The following TNS3 variants were observed in gnomAD, a reference collection of about 807,000 sequenced individuals.
The protein encoded by TNS3 is tensin 3, also known as tensin-3.
A neutral mutation model predicts 140.9 loss-of-function variants in TNS3; 45 were observed. That is an observed-to-expected ratio of 0.32 (90% confidence interval 0.25 to 0.41). The LOEUF (loss-of-function observed/expected upper bound fraction) is 0.41. Among genes scored for constraint, TNS3 ranks in the 10% least tolerant of loss-of-function variants. TNS3 has a pLI of 1.00. For synonymous variants in TNS3, 815 were observed against 788.4 expected, an observed-to-expected ratio of 1.03 and a Z score of -0.56; for missense variants, 1,716 against 1,906.7, an observed-to-expected ratio of 0.90 and a Z score of 1.86.
rs371204999 is a variant in TNS3 at position 47,538,045 on chromosome 7, G to C, written c.-264-8898C>G. On this transcript the variant is annotated intron_variant, in intron 1 of 30. Coordinates refer to ENST00000311160, the MANE Select transcript of TNS3 (RefSeq NM_022748.12). ...CATCTGAAGTCCCGTCTTCCTTTAT[G>C]GGTCTGCGATTTTAGAAGGAAATTA... 6.4e-5 allele frequency among the ~76,000 whole-genome samples: 9 copies of C among 141,686 alleles called. No homozygotes were observed. In the South Asian group the frequency reaches 1.8e-3, roughly 29 times the overall value. 93.0% of individuals were successfully genotyped at this position (141,686 alleles called of 152,430 possible).
At chr7:47,581,810 G>A (rs1784541281) in intron 1 of TNS3, among the ~76,000 whole-genome samples, 1 of 151,362 alleles carries the variant, frequency 6.6e-6, no homozygotes, top group Non-Finnish European at 1.5e-5. Context: ...CCCCAACCGG[G>A]TCCCCGCGCT....
At chr7:47,381,537 C>T (rs928113471) in intron 16 of TNS3, among the ~76,000 whole-genome samples, 2 of 152,154 alleles carry the variant, frequency 1.3e-5, no homozygotes, top group African/African-American at 2.4e-5. Flanking sequence ...AGCAAAAGCC[C>T]GTTCTGATGC....
At chr7:47,320,860 A>T (rs189505852) in intron 20 of TNS3, among the ~76,000 whole-genome samples, 1 of 152,374 alleles carries the variant, frequency 6.6e-6, no homozygotes, top group East Asian at 1.9e-4. Flanking sequence ...CAGGAGAGTG[A>T]CATAGGCCCT....
chr7:47,422,146 G>T (rs1384660378), intron 10 of TNS3, among the ~76,000 whole-genome samples: 1 of 152,168 alleles, frequency 6.6e-6, no homozygotes, highest in Non-Finnish European at 1.5e-5. Context: ...TTTCATGCAG[G>T]CTCTGGTCAA....
At chr7:47,474,821 C>G (rs1242084663) in intron 4 of TNS3, among the ~76,000 whole-genome samples, 2 of 147,760 alleles carry the variant, frequency 1.4e-5, no homozygotes, top group Non-Finnish European at 3.0e-5. Context: ...ACCTCACACA[C>G]AACACACACG....
intron 4 of TNS3, among the ~76,000 whole-genome samples, chr7:47,447,993 G>T (rs1795834819): frequency 1.3e-5 from 2 of 152,336 alleles, no homozygotes; most frequent in Middle Eastern, 6.8e-3. Flanking sequence ...ACCTAAAGAA[G>T]GCAGAGAAGA....
chr7:47,483,246 T>G (rs1191405573), intron 3 of TNS3, among the ~76,000 whole-genome samples: 1 of 151,648 alleles, frequency 6.6e-6, no homozygotes, highest in African/African-American at 2.4e-5. Flanking sequence ...CTTGGCTCAC[T>G]GCAAGCTCCG....
chr7:47,463,031 T>C (rs1433049875), intron 4 of TNS3, among the ~76,000 whole-genome samples: 1 of 152,194 alleles, frequency 6.6e-6, no homozygotes, highest in Non-Finnish European at 1.5e-5. Context: ...TTGGCAGTAG[T>C]TGTGTTCTAT....
rs144870110 is a variant in TNS3 at position 47,545,928 on chromosome 7, G to T, written c.-264-16781C>A. 5.8e-4 allele frequency among the ~76,000 whole-genome samples: 89 copies of T among 152,284 alleles called. 2 individuals carry two copies. The East Asian group carries it at 0.014, about 24-fold the overall frequency. On this transcript the variant is annotated intron_variant, in intron 1 of 30. Transcript: ENST00000311160. ...CCTACCACTTACACCACAGTCAGGGGACTCCACAGTCTTGGGGGAACCCTA... is the reference window on the plus strand; with the variant it reads ...CCTACCACTTACACCACAGTCAGGGTACTCCACAGTCTTGGGGGAACCCTA...
At position 47,409,612 on chromosome 7, in the gene TNS3, C is replaced by A. The variant is rs115147417; in HGVS notation, c.723+2115G>T. ...GAACACTACGCAAACAAGATGAGGGCGGGTGCAAATCCTACCAGCATCGCC... is the reference window on the plus strand; with the variant it reads ...GAACACTACGCAAACAAGATGAGGGAGGGTGCAAATCCTACCAGCATCGCC... On this transcript the variant is annotated intron_variant, in intron 13 of 30. Transcript: ENST00000311160. Among the ~76,000 whole-genome samples, 4 of 152,114 alleles carry A rather than the reference C, an allele frequency of 2.6e-5. No individual in the cohort carries two copies. In the East Asian group the frequency reaches 7.7e-4, roughly 29 times the overall value.
chr7:47,559,041 T>C (rs564109306), intron 1 of TNS3, among the ~76,000 whole-genome samples: 1 of 152,296 alleles, frequency 6.6e-6, no homozygotes, highest in South Asian at 2.1e-4. Flanking sequence ...TCCAACCCCA[T>C]GTTTAATGCA....
intron 2 of TNS3, among the ~76,000 whole-genome samples, chr7:47,524,115 C>G (rs62448395): frequency 0.29 from 43,554 of 152,160 alleles, 6,412 homozygotes; most frequent in South Asian, 0.42. Flanking sequence ...GGCGGCACAT[C>G]CAGGGTGCAG....
At chr7:47,415,925 C>T (rs988517146) in intron 10 of TNS3, among the ~76,000 whole-genome samples, 1 of 152,208 alleles carries the variant, frequency 6.6e-6, no homozygotes, top group African/African-American at 2.4e-5. Flanking sequence ...TGCTGGGGTC[C>T]TCATGAGGCA....
chr7:47,386,557 G>A lies in TNS3; in HGVS notation c.1024+10243C>T, dbSNP rs141707383. 6.7e-3 allele frequency among the ~76,000 whole-genome samples: 1,013 copies of A among 152,252 alleles called. 1 individual carries two copies. Among genetic ancestry groups the A allele is most frequent in the African/African-American group, 0.015 (617 of 41,542 alleles). On this transcript the variant is annotated intron_variant, in intron 16 of 30. Coordinates refer to ENST00000311160, the MANE Select transcript of TNS3 (RefSeq NM_022748.12). ...AAGTGGTCACCCTGTCTCTTACCCC[G>A]ATCCATGGACCTCCATGCCAGGTCT...
intron 1 of TNS3, among the ~76,000 whole-genome samples, chr7:47,535,543 G>A (rs560489292): frequency 6.6e-6 from 1 of 152,226 alleles, no homozygotes; most frequent in South Asian, 2.1e-4. Context: ...TCCCAAAGGG[G>A]GAGAGGAGGC....
intron 17 of TNS3, among the ~76,000 whole-genome samples, chr7:47,347,459 C>G (rs900371850): frequency 2.0e-5 from 3 of 152,120 alleles, no homozygotes; most frequent in Admixed American, 1.3e-4. Context: ...CATCAACCCA[C>G]CATGCCTGCC....
intron 23 of TNS3, among the ~76,000 whole-genome samples, chr7:47,301,082 C>T (rs1389947749): frequency 1.3e-5 from 2 of 152,196 alleles, no homozygotes; most frequent in Non-Finnish European, 2.9e-5. Context: ...TCTAGGCATT[C>T]CTGAGGCATC....
rs1554297219 is a variant in TNS3 at position 47,340,115 on chromosome 7, A to ATATAT, written c.2650+4639_2650+4640insATATA. ...TACATATATATATATATATATATAT[A>ATATAT]TTTTTTTTTTTTTTTTTTTTTTTTT... On this transcript the variant is annotated intron_variant, in intron 20 of 30. Transcript: ENST00000311160. Among the ~76,000 whole-genome samples the ATATAT allele has an allele frequency of 1.2e-3, 34 of 28,590 alleles. 1 individual carries two copies. The highest frequency in any genetic ancestry group is 3.8e-3 in the South Asian group (2 of 530). 18.8% of individuals were successfully genotyped at this position (28,590 alleles called of 152,430 possible).
intron 4 of TNS3, among the ~76,000 whole-genome samples, chr7:47,457,695 G>C (rs1022539779): frequency 1.3e-5 from 2 of 152,072 alleles, no homozygotes; most frequent in African/African-American, 4.8e-5. Flanking sequence ...TACACACTAT[G>C]GTGCCCTCCA....
Sources: allele counts gnomAD v4.1 joint callset (sites outside exome capture counted in the v4.1 genomes callset), GRCh38; gene constraint gnomAD v4.1.1; transcripts MANE v1.5; gene names NCBI Gene and HGNC (gene_info 2026-07-23, HGNC 2026-07-21).